The following MED13L variants were observed in gnomAD, a reference collection of about 807,000 sequenced individuals.
The protein encoded by MED13L is mediator of RNA polymerase II transcription subunit 13-like.
A neutral mutation model predicts 220.9 loss-of-function variants in MED13L; 7 were observed. The ratio of observed to expected loss-of-function variants is 0.03; its 90% confidence interval spans 0.02 to 0.06. The LOEUF is 0.06. Among genes scored for constraint, MED13L ranks in the 10% least tolerant of loss-of-function variants. The probability of loss-of-function intolerance (pLI) is 1.00; values close to 1 mark genes in which losing one functional copy is unlikely to be tolerated. For missense variants in MED13L, 1,965 were observed against 2,760.5 expected, an observed-to-expected ratio of 0.71 and a Z score of 6.46; for synonymous variants, 1,011 against 1,015.2, an observed-to-expected ratio of 1.00 and a Z score of 0.08.
At chr12:116,210,676 C>A (rs1051205085) in intron 2 of MED13L, among the ~76,000 whole-genome samples, 1 of 150,402 alleles carries the variant, frequency 6.6e-6, no homozygotes, top group Non-Finnish European at 1.5e-5. Context: ...ATTAATCCTA[C>A]AAATATACTA....
intron 2 of MED13L, chr12:116,148,470 A>T: frequency 3.8e-6 from 1 of 261,132 alleles, no homozygotes; most frequent in Non-Finnish European, 8.8e-6. Context: ...AAAAACTTTC[A>T]TGTCAATGAC....
At chr12:116,262,864 A>G (rs1007430371) in intron 1 of MED13L, among the ~76,000 whole-genome samples, 5 of 152,188 alleles carry the variant, frequency 3.3e-5, no homozygotes, top group African/African-American at 1.2e-4. Context: ...TAGCAACAAA[A>G]TATCATCTTC....
At chr12:116,241,332 C>CAAA (rs200027979) in intron 1 of MED13L, among the ~76,000 whole-genome samples, 13 of 145,412 alleles carry the variant, frequency 8.9e-5, no homozygotes, top group Admixed American at 4.0e-4. Context: ...AACAAAAAAA[C>CAAA]AAAAAAAAAA....
intron 2 of MED13L, among the ~76,000 whole-genome samples, chr12:116,219,608 T>C (rs1030171772): frequency 1.3e-5 from 2 of 152,192 alleles, no homozygotes; most frequent in African/African-American, 2.4e-5. Flanking sequence ...TTTCGAAGCA[T>C]TCATTTATTG....
chr12:116,009,088 G>A lies in MED13L; in HGVS notation c.1325C>T (p.Pro442Leu), dbSNP rs1440149470. 1.2e-6 allele frequency: 2 copies of A among 1,613,950 alleles called. No individual in the cohort carries two copies. The highest frequency in any genetic ancestry group is 2.7e-5 in the African/African-American group (2 of 74,890). ...KRCAVGPNRP[P>L]TVSQPGFSAG... The stretch of plus-strand genomic sequence containing the variant: ...ACTGAACCCTGGTTGAGATACTGTG[G>A]GAGGTCGATTGGGCCCGACTGCACA... The change falls in exon 10 of 31, where the codon CCC becomes CTC. Residue 442 changes from proline to leucine, a missense_variant. Physicochemically the swap from Pro to Leu is moderately conservative, Grantham distance 98. This residue lies in a region of MED13L where 818 missense variants were observed against 1,041.2 expected (regional missense o/e 0.79). Transcript: ENST00000281928.
In MED13L at chr12:116,277,409, C is replaced by T; in HGVS notation, c.-278G>A. Reference sequence around the variant, plus strand: ...TTCCCTGCTCCTCAGCCGCCGCCGCCGCCGCTGCTGCCGCTGCCGCCGCCT... The same window carrying T: ...TTCCCTGCTCCTCAGCCGCCGCCGCTGCCGCTGCTGCCGCTGCCGCCGCCT... On this transcript the variant is annotated 5_prime_UTR_variant, in exon 1 of 31. Coordinates refer to ENST00000281928, the MANE Select transcript of MED13L (RefSeq NM_015335.5). The T allele has an allele frequency of 1.4e-4, 2 of 14,626 alleles. No individual in the cohort carries two copies. Among genetic ancestry groups the T allele is most frequent in the South Asian group, 8.9e-4 (1 of 1,122 alleles). 0.9% of individuals were successfully genotyped at this position (14,626 alleles called of 1,614,324 possible).
At chr12:116,148,043 C>A (rs1251993212) in intron 2 of MED13L, among the ~76,000 whole-genome samples, 3 of 70,638 alleles carry the variant, frequency 4.2e-5, no homozygotes, top group Non-Finnish European at 8.4e-5. Context: ...CAGAGCAAGA[C>A]CCCATCTCAA....
rs1869066011 is a variant in MED13L at position 116,057,396 on chromosome 12, T to C, written c.480-34795A>G. Among the ~76,000 whole-genome samples, 3 of 152,022 alleles carry C rather than the reference T, an allele frequency of 2.0e-5. No individual in the cohort carries two copies. The South Asian group carries it at 6.2e-4, about 32-fold the overall frequency. ...TGCAAAACTCTATCTAGCGTATTAG[T>C]TATTTTCTTCAGGGGTAGAACTAAT... On this transcript the variant is annotated intron_variant, in intron 4 of 30. Coordinates refer to ENST00000281928, the MANE Select transcript of MED13L (RefSeq NM_015335.5).
chr12:116,189,300 T>C (rs911526652), intron 2 of MED13L, among the ~76,000 whole-genome samples: 7 of 152,186 alleles, frequency 4.6e-5, no homozygotes, highest in African/African-American at 1.4e-4. Flanking sequence ...TTACTTGCCA[T>C]GTGTACATAT....
At position 116,092,118 on chromosome 12, in the gene MED13L, A is replaced by G. The variant is rs1773732534; in HGVS notation, c.479+4551T>C. Among the ~76,000 whole-genome samples, 4 of 152,340 alleles carry G rather than the reference A, an allele frequency of 2.6e-5. No homozygotes were observed. The South Asian group carries it at 8.3e-4, about 32-fold the overall frequency. The stretch of plus-strand genomic sequence containing the variant: ...CAAATTGTCCCATTAATATTTGTCT[A>G]TGGACTTCCCATCAGCAAGCCCTTA... On this transcript the variant is annotated intron_variant, in intron 4 of 30. Coordinates refer to ENST00000281928, the MANE Select transcript of MED13L (RefSeq NM_015335.5).
chr12:115,984,888 T>C (rs1467932912), intron 19 of MED13L, among the ~76,000 whole-genome samples: 2 of 151,378 alleles, frequency 1.3e-5, no homozygotes, highest in African/African-American at 2.4e-5. Flanking sequence ...TTAAAGTAAA[T>C]AGGACAAGGA....
At chr12:115,982,199 C>T in intron 22 of MED13L, 185 bp downstream of exon 22, 2 of 623,484 alleles carry the variant, frequency 3.2e-6, no homozygotes, top group East Asian at 2.8e-5. Context: ...CTGCAAAGGT[C>T]TCCCATTATA....
chr12:115,994,897 T>C (rs920915905), intron 16 of MED13L, among the ~76,000 whole-genome samples: 5 of 152,180 alleles, frequency 3.3e-5, no homozygotes, highest in Non-Finnish European at 4.4e-5. Flanking sequence ...CTACAGTCAT[T>C]AGTCGTTGAA....
At chr12:116,023,270 T>C (rs917324757) in intron 4 of MED13L, among the ~76,000 whole-genome samples, 17 of 152,142 alleles carry the variant, frequency 1.1e-4, no homozygotes, top group African/African-American at 3.6e-4. Flanking sequence ...CACTCCACCA[T>C]GGACAACAGA....
chr12:116,101,360 T>C (rs533877811), intron 3 of MED13L, among the ~76,000 whole-genome samples: 1 of 152,334 alleles, frequency 6.6e-6, no homozygotes, highest in South Asian at 2.1e-4. Context: ...ATGCTCTATA[T>C]TGGGAGGTGC....
At chr12:116,009,591 A>T (rs1204855633) in intron 9 of MED13L, among the ~76,000 whole-genome samples, 1 of 152,190 alleles carries the variant, frequency 6.6e-6, no homozygotes, top group African/African-American at 2.4e-5. Context: ...GAATAAAATA[A>T]CTACGCAACT....
At chr12:116,082,928 G>T (rs1337351448) in intron 4 of MED13L, among the ~76,000 whole-genome samples, 1 of 152,172 alleles carries the variant, frequency 6.6e-6, no homozygotes, top group African/African-American at 2.4e-5. Context: ...CAAATGATTT[G>T]AAAGAGGAAT....
Position 116,108,569 on chromosome 12 carries a change from T to C in MED13L, c.395+2859A>G, listed in dbSNP as rs117911768. Among the ~76,000 whole-genome samples the C allele has an allele frequency of 7.0e-3, 1,065 of 152,270 alleles. 4 individuals are homozygous for C. The highest frequency in any genetic ancestry group is 0.012 in the Non-Finnish European group (788 of 68,012). On this transcript the variant is annotated intron_variant, in intron 3 of 30. Coordinates refer to ENST00000281928, the MANE Select transcript of MED13L (RefSeq NM_015335.5). Reference sequence around the variant, plus strand: ...TCATGAGCAGGGTAATTTTCATTCATAGAACAAAGTTACATTAAGTTTGAT... The same window carrying C: ...TCATGAGCAGGGTAATTTTCATTCACAGAACAAAGTTACATTAAGTTTGAT...
At chr12:116,134,092 T>G (rs571497647) in intron 2 of MED13L, among the ~76,000 whole-genome samples, 9 of 152,274 alleles carry the variant, frequency 5.9e-5, no homozygotes, top group African/African-American at 1.9e-4. Context: ...ATAGGCATAA[T>G]AAAATAAACT....
Sources: gnomAD v4.1 joint callset for allele counts (sites outside exome capture counted in the v4.1 genomes callset) on GRCh38, gnomAD v4.1.1 for gene constraint, gnomAD v4.1.1 regional missense constraint, MANE v1.5 for transcripts, NCBI Gene and HGNC (gene_info 2026-07-23, HGNC 2026-07-21) for gene names.